The following DPYSL2 variants were observed in gnomAD, a reference collection of about 807,000 sequenced individuals.
The protein encoded by DPYSL2 is dihydropyrimidinase-related protein 2.
DPYSL2 carries 13 observed loss-of-function variants against 69.9 expected under a neutral mutation model. The observed-to-expected ratio is 0.19, with a 90% CI of 0.12 to 0.30. The LOEUF is 0.30. DPYSL2 is among the 10% of genes least tolerant of loss of function. DPYSL2 has a pLI of 1.00. For synonymous variants in DPYSL2, 326 were observed against 359.1 expected (o/e 0.91, Z 1.04); for missense variants, 587 against 918.9 (o/e 0.64, Z 4.67).
chr8:26,539,819 C>A (rs1323496099), intron 1 of DPYSL2, among the ~76,000 whole-genome samples: 2 of 152,174 alleles, frequency 1.3e-5, no homozygotes, highest in African/African-American at 2.4e-5. Context: ...TCGCTACACT[C>A]CACCCAGCCA....
rs1368060977 is a variant in DPYSL2, at chr8:26,627,791, A to G, written c.937-81A>G. ...TGGTAATTTTCCATCTTGCCCGGATAACTGCATGCCCGGGCCTCTGCCATC... is the reference window on the plus strand; with the variant it reads ...TGGTAATTTTCCATCTTGCCCGGATGACTGCATGCCCGGGCCTCTGCCATC... On this transcript the variant is annotated intron_variant, in intron 6 of 13. Coordinates refer to ENST00000521913, the MANE Select transcript of DPYSL2 (RefSeq NM_001197293.3). The surrounding 1 kb of genome is among the most constrained non-coding windows in gnomAD (Gnocchi z 6.9). The G allele has an allele frequency of 7.1e-7, 1 of 1,409,068 alleles. No homozygotes were observed. Among genetic ancestry groups the G allele is most frequent in the African/African-American group, 1.4e-5 (1 of 70,680 alleles). 87.3% of individuals were successfully genotyped at this position (1,409,068 alleles called of 1,614,324 possible).
chr8:26,652,200 G>C lies in DPYSL2; in HGVS notation c.1597-57G>C. 4 of 1,527,048 alleles carry C rather than the reference G, an allele frequency of 2.6e-6. No individual in the cohort carries two copies. The South Asian group carries it at 5.1e-5, about 19-fold the overall frequency. The allele number at this position is 1,527,048 out of a possible 1,614,324, so 94.6% of individuals were successfully genotyped here. A position where few individuals can be genotyped will look rare whatever the true frequency, so the allele number is the denominator to read the frequency against. The stretch of plus-strand genomic sequence containing the variant: ...GGGTTGGGGCAGTGGGTGCTGCCGG[G>C]TGGATTGAGTCCAGCCAGAGTGGCC... On this transcript the variant is annotated intron_variant, in intron 11 of 13. Transcript: ENST00000521913. The surrounding 1 kb of genome is among the most constrained non-coding windows in gnomAD (Gnocchi z 6.3).
chr8:26,576,932 C>T (rs1311557177), intron 1 of DPYSL2: 2 of 286,288 alleles, frequency 7.0e-6, no homozygotes, highest in Non-Finnish European at 1.4e-5. Flanking sequence ...CCCCACGCAC[C>T]CCTCAGGGAG....
At chr8:26,549,226 A>AATAATAATAATAATC (rs368363831) in intron 1 of DPYSL2, among the ~76,000 whole-genome samples, 3 of 145,480 alleles carry the variant, frequency 2.1e-5, no homozygotes, top group South Asian at 2.1e-4. Context: ...TAATAATAAT[A>AATAATAATAATAATC]ATCAAAAGGA....
Position 26,624,976 on chromosome 8 carries a change from G to T in DPYSL2, c.793+669G>T, listed in dbSNP as rs970055880. Among the ~76,000 whole-genome samples, 2 of 152,166 alleles carry T rather than the reference G, an allele frequency of 1.3e-5. No individual in the cohort carries two copies. Among genetic ancestry groups the T allele is most frequent in the African/African-American group, 4.8e-5 (2 of 41,442 alleles). On this transcript the variant is annotated intron_variant, in intron 4 of 13. Coordinates refer to ENST00000521913, the MANE Select transcript of DPYSL2 (RefSeq NM_001197293.3). This position sits in a 1 kb window ranked among gnomAD's most constrained non-coding sequence, Gnocchi z 4.7. The stretch of plus-strand genomic sequence containing the variant: ...CTGGGTCTCGCTGGGCTTGGCTAGA[G>T]ACCAGATTAACTTCACTGGATCTTA...
In DPYSL2 at chr8:26,644,385, T is replaced by C. The variant is rs546791940; in HGVS notation, c.1425+294T>C. On this transcript the variant is annotated intron_variant, in intron 10 of 13. Transcript: ENST00000521913. This position sits in a 1 kb window ranked among gnomAD's most constrained non-coding sequence, Gnocchi z 4.5. Reference sequence around the variant, plus strand: ...GCAGTGGTACAATCATAGCTCACTGTAGCCTCAAACTCCTGGGCTCAGGTG... The same window carrying C: ...GCAGTGGTACAATCATAGCTCACTGCAGCCTCAAACTCCTGGGCTCAGGTG... 6.6e-6 allele frequency among the ~76,000 whole-genome samples: 1 copy of C among 152,320 alleles called. No individual in the cohort carries two copies. Among genetic ancestry groups the C allele is most frequent in the East Asian group, 1.9e-4 (1 of 5,190 alleles).
At position 26,514,115 on chromosome 8, in the gene DPYSL2, G is replaced by T. The variant is rs1312783602; in HGVS notation, c.-211G>T. On this transcript the variant is annotated 5_prime_UTR_variant, in exon 1 of 14. Transcript: ENST00000521913. This position sits in a 1 kb window ranked among gnomAD's most constrained non-coding sequence, Gnocchi z 8.4. ...AGCTCGCGCTGTAGCCGCGGGGGGC[G>T]TGGGCAGGGAGGGGAGAAGCGGGGT... 2 of 398,838 alleles carry T rather than the reference G, an allele frequency of 5.0e-6. No homozygotes were observed. Among genetic ancestry groups the T allele is most frequent in the East Asian group, 3.7e-5 (1 of 26,738 alleles). 24.7% of individuals were successfully genotyped at this position (398,838 alleles called of 1,614,324 possible).
intron 8 of DPYSL2, chr8:26,638,011 G>T (rs372742820): frequency 6.6e-5 from 10 of 152,230 alleles, no homozygotes; most frequent in Admixed American, 6.5e-4. Context: ...GTCCACTTCA[G>T]GTGGGTTCTT....
chr8:26,572,949 C>T (rs944983626), intron 1 of DPYSL2, among the ~76,000 whole-genome samples: 5 of 151,974 alleles, frequency 3.3e-5, no homozygotes, highest in Non-Finnish European at 5.9e-5. Context: ...CAGGGATGTA[C>T]GAAGAATAAT....
intron 1 of DPYSL2, among the ~76,000 whole-genome samples, chr8:26,574,665 C>T (rs1443141607): frequency 2.0e-5 from 3 of 152,142 alleles, no homozygotes; most frequent in Non-Finnish European, 4.4e-5. Flanking sequence ...ACAAAGGGTA[C>T]GAATATTAGA....
intron 3 of DPYSL2, among the ~76,000 whole-genome samples, chr8:26,612,183 A>G (rs1025532893): frequency 2.6e-5 from 4 of 152,192 alleles, no homozygotes; most frequent in African/African-American, 9.6e-5. Context: ...ACCCCCTCAG[A>G]TAGTAAGCAA....
chr8:26,614,497 G>T lies in DPYSL2; in HGVS notation c.629-9646G>T, dbSNP rs948717330. On this transcript the variant is annotated intron_variant, in intron 3 of 13. Coordinates refer to ENST00000521913, the MANE Select transcript of DPYSL2 (RefSeq NM_001197293.3). This position sits in a 1 kb window ranked among gnomAD's most constrained non-coding sequence, Gnocchi z 4.9. Reference sequence around the variant, plus strand: ...AGTTTTTGTTTTCCCTAACTGGATTGTTGGCATTTTAAGGGCACAGTTTGT... The same window carrying T: ...AGTTTTTGTTTTCCCTAACTGGATTTTTGGCATTTTAAGGGCACAGTTTGT... 6.6e-6 allele frequency among the ~76,000 whole-genome samples: 1 copy of T among 152,176 alleles called. No homozygotes were observed. The highest frequency in any genetic ancestry group is 2.4e-5 in the African/African-American group (1 of 41,432).
chr8:26,550,699 T>A (rs1184227590), intron 1 of DPYSL2, among the ~76,000 whole-genome samples: 4 of 152,186 alleles, frequency 2.6e-5, no homozygotes, highest in African/African-American at 9.7e-5. Flanking sequence ...GCTCACTCTG[T>A]TATGAAGGCT....
In DPYSL2 at chr8:26,643,293, T is replaced by C; in HGVS notation, c.1127-146T>C. On this transcript the variant is annotated intron_variant, in intron 8 of 13. Transcript: ENST00000521913. This position sits in a 1 kb window ranked among gnomAD's most constrained non-coding sequence, Gnocchi z 6.5. ...TACTGAATTTCTCCAAGTCTCAGTT[T>C]CCTCATCTGCGAGATGAGCCTGATA... is the stretch of plus-strand genomic sequence containing the variant. The C allele has an allele frequency of 1.2e-6, 1 of 833,278 alleles. No homozygotes were observed. The highest frequency in any genetic ancestry group is 1.8e-6 in the Non-Finnish European group (1 of 559,962). 51.6% of individuals were successfully genotyped at this position (833,278 alleles called of 1,614,324 possible).
At chr8:26,638,137 T>G (rs1355897012) in intron 8 of DPYSL2, 1 of 152,224 alleles carries the variant, frequency 6.6e-6, no homozygotes, top group Admixed American at 6.5e-5. Flanking sequence ...GATGTGATAC[T>G]TTAGGCCTGC....
Position 26,516,656 on chromosome 8 carries a change from C to T in DPYSL2, c.354+1977C>T, listed in dbSNP as rs1808295463. 6.6e-6 allele frequency among the ~76,000 whole-genome samples: 1 copy of T among 152,092 alleles called. No homozygotes were observed. Among genetic ancestry groups the T allele is most frequent in the South Asian group, 2.1e-4 (1 of 4,820 alleles). On this transcript the variant is annotated intron_variant, in intron 1 of 13. Transcript: ENST00000521913. The surrounding 1 kb of genome is among the most constrained non-coding windows in gnomAD (Gnocchi z 4.8). ...GAGGGGGAGATTTGAAGAGAAAATACTCAAACAAACTGCAAGGGAGTTTTA... is the reference window on the plus strand; with the variant it reads ...GAGGGGGAGATTTGAAGAGAAAATATTCAAACAAACTGCAAGGGAGTTTTA...
chr8:26,617,358 G>A lies in DPYSL2; in HGVS notation c.629-6785G>A, dbSNP rs1021208216. On this transcript the variant is annotated intron_variant, in intron 3 of 13. Coordinates refer to ENST00000521913, the MANE Select transcript of DPYSL2 (RefSeq NM_001197293.3). The surrounding 1 kb of genome is among the most constrained non-coding windows in gnomAD (Gnocchi z 4.7). ...TAATAATAATAAAATTAGACAGTGTGGTGGCGCACGCCTGTGGTCCTAGCT... is the reference window on the plus strand; with the variant it reads ...TAATAATAATAAAATTAGACAGTGTAGTGGCGCACGCCTGTGGTCCTAGCT... Among the ~76,000 whole-genome samples the A allele has an allele frequency of 2.0e-5, 3 of 152,138 alleles. No homozygotes were observed. The highest frequency in any genetic ancestry group is 7.2e-5 in the African/African-American group (3 of 41,430).
chr8:26,581,845 C>T (rs113765113), intron 1 of DPYSL2, 124 bp from the exon 2 acceptor site: 39 of 753,904 alleles, frequency 5.2e-5, no homozygotes, highest in African/African-American at 3.5e-4. Context: ...CTGAACCTTT[C>T]CAAAATGGGC....
At chr8:26,592,462 GT>G (rs56357770) in intron 3 of DPYSL2, among the ~76,000 whole-genome samples, 59,127 of 138,808 alleles carry the variant, frequency 0.43, 12,804 homozygotes, top group East Asian at 0.68. Context: ...TGGTACATTA[GT>G]TTTTTTTTTT....
Sources: gnomAD v4.1 joint callset for allele counts (sites outside exome capture counted in the v4.1 genomes callset) on GRCh38, gnomAD v4.1.1 for gene constraint, Gnocchi (gnomAD v3.1) non-coding constraint, MANE v1.5 for transcripts, NCBI Gene and HGNC (gene_info 2026-07-23, HGNC 2026-07-21) for gene names.